Variants in TMTC2 observed in about 807,000 individuals in gnomAD.
TMTC2 encodes the protein transmembrane O-mannosyltransferase targeting cadherins 2.
A neutral mutation model predicts 82.4 loss-of-function variants in TMTC2; 43 were observed. That is an observed-to-expected ratio of 0.52 (90% CI 0.41 to 0.67). TMTC2 has a LOEUF of 0.67. Among genes scored for constraint, TMTC2 ranks in the 30% least tolerant of loss-of-function variants. The pLI, the probability that TMTC2 is intolerant of heterozygous loss-of-function variation, is 0.00. For synonymous variants in TMTC2, 408 were observed against 381.9 expected (o/e 1.07, Z -0.80); for missense variants, 919 against 1,012.4 (o/e 0.91, Z 1.25).
intron 11 of TMTC2, among the ~76,000 whole-genome samples, chr12:83,068,619 A>G (rs1236053796): frequency 6.6e-6 from 1 of 152,198 alleles, no homozygotes; most frequent in Non-Finnish European, 1.5e-5. Flanking sequence ...GATTGACTTT[A>G]TGAGTAAAAT....
In TMTC2 at chr12:82,965,043, A is replaced by T. The variant is rs1400290159; in HGVS notation, c.1618A>T (p.Asn540Tyr). 6.2e-7 allele frequency: 1 copy of T among 1,612,444 alleles called. No individual in the cohort carries two copies. Among genetic ancestry groups the T allele is most frequent in the African/African-American group, 1.3e-5 (1 of 74,940 alleles). ...ATGCAGAGGGCTACTTCTCCAGGAG[A>T]ACAGCAGGTTTGCAGAAGCACTACA... ...LYNLGLLLQE[N>Y]SRFAEALHYY... is the part of the protein sequence containing the mutation. The change falls in exon 5 of 12, where the codon AAC (asparagine) becomes TAC (tyrosine). Residue 540 changes from asparagine (N) to tyrosine (Y), a missense_variant. Physicochemically the swap from Asn to Tyr is moderately radical, Grantham distance 143 (BLOSUM62 -2). Transcript: ENST00000321196.
chr12:82,946,150 C>T (rs1592647748), intron 4 of TMTC2, among the ~76,000 whole-genome samples: 1 of 151,694 alleles, frequency 6.6e-6, no homozygotes, highest in South Asian at 2.1e-4. Flanking sequence ...GCATGTATTA[C>T]CTTCTAGTGA....
chr12:82,851,054 AC>A (rs1202605733), intron 1 of TMTC2, among the ~76,000 whole-genome samples: 1 of 151,862 alleles, frequency 6.6e-6, no homozygotes, highest in African/African-American at 2.4e-5. Flanking sequence ...ACAGAGCGAG[AC>A]TCCATCTCAA....
At chr12:82,973,955 A>C (rs1878558258) in intron 7 of TMTC2, among the ~76,000 whole-genome samples, 1 of 152,252 alleles carries the variant, frequency 6.6e-6, no homozygotes, top group African/African-American at 2.4e-5. Flanking sequence ...AAAAGATCAA[A>C]GCTTAAAAAC....
chr12:82,886,157 A>T (rs1418597564), intron 2 of TMTC2, among the ~76,000 whole-genome samples: 2 of 152,046 alleles, frequency 1.3e-5, no homozygotes, highest in Non-Finnish European at 2.9e-5. Context: ...TCTCTTTCAC[A>T]CTTGGACATA....
At chr12:82,995,876 GTCC>G (rs1048233035) in intron 8 of TMTC2, among the ~76,000 whole-genome samples, 3 of 152,182 alleles carry the variant, frequency 2.0e-5, no homozygotes, top group Non-Finnish European at 4.4e-5. Context: ...GGCTCAAGCT[GTCC>G]TCCTTCCTTG....
chr12:82,711,117 A>C lies in TMTC2; in HGVS notation c.83+23448A>C, dbSNP rs1186545960. Among the ~76,000 whole-genome samples, 3 of 152,234 alleles carry C rather than the reference A, an allele frequency of 2.0e-5. No homozygotes were observed. The East Asian group carries it at 5.8e-4, about 29-fold the overall frequency. On this transcript the variant is annotated intron_variant, in intron 1 of 11. Coordinates refer to ENST00000321196, the MANE Select transcript of TMTC2 (RefSeq NM_152588.3). ...ATTAAGATCCTGTAAGAAACAAGGC[A>C]GAAAATTAAAGTCATTAGGAGTATA...
chr12:82,711,171 T>G (rs925086482), intron 1 of TMTC2, among the ~76,000 whole-genome samples: 1 of 152,208 alleles, frequency 6.6e-6, no homozygotes, highest in Non-Finnish European at 1.5e-5. Context: ...GGCTTTCACC[T>G]CTGTAAACTT....
At chr12:83,057,717 G>T (rs1432022310) in intron 10 of TMTC2, among the ~76,000 whole-genome samples, 2 of 149,272 alleles carry the variant, frequency 1.3e-5, no homozygotes, top group African/African-American at 5.0e-5. Context: ...TCTCTCTCCA[G>T]TTAAAAAAAA....
At chr12:83,122,066 A>T (rs1002746691) in intron 11 of TMTC2, among the ~76,000 whole-genome samples, 2 of 151,808 alleles carry the variant, frequency 1.3e-5, no homozygotes, top group Admixed American at 1.3e-4. Context: ...AACTTACCCC[A>T]TGCTACCCGC....
intron 3 of TMTC2, among the ~76,000 whole-genome samples, chr12:82,929,267 T>C (rs936439802): frequency 6.6e-6 from 1 of 152,084 alleles, no homozygotes; most frequent in Non-Finnish European, 1.5e-5. Flanking sequence ...TTGCCCAGGC[T>C]GGTCTCAAAC....
At chr12:82,991,632 A>G (rs1237176789) in intron 8 of TMTC2, among the ~76,000 whole-genome samples, 1 of 152,210 alleles carries the variant, frequency 6.6e-6, no homozygotes, top group Admixed American at 6.5e-5. Flanking sequence ...ATTTCATACC[A>G]ATGTCATGTC....
intron 5 of TMTC2, among the ~76,000 whole-genome samples, 177 bp from the exon 6 acceptor site, chr12:82,965,383 G>T (rs1878144583): frequency 2.0e-5 from 3 of 152,082 alleles, no homozygotes; most frequent in Non-Finnish European, 2.9e-5. Flanking sequence ...CATATGTTCT[G>T]CAGTGATATT....
At chr12:82,984,018 G>T (rs1358912634) in intron 7 of TMTC2, among the ~76,000 whole-genome samples, 1 of 151,790 alleles carries the variant, frequency 6.6e-6, no homozygotes, top group African/African-American at 2.4e-5. Context: ...ATAGAGATAT[G>T]AAAATAAAAA....
intron 4 of TMTC2, among the ~76,000 whole-genome samples, chr12:82,936,417 A>G (rs1405900772): frequency 2.0e-5 from 3 of 152,160 alleles, no homozygotes; most frequent in Non-Finnish European, 4.4e-5. Flanking sequence ...AAAACAGAAC[A>G]AAAAGCAAAT....
At chr12:82,694,976 T>C (rs1790362629) in intron 1 of TMTC2, among the ~76,000 whole-genome samples, 1 of 152,186 alleles carries the variant, frequency 6.6e-6, no homozygotes, top group African/African-American at 2.4e-5. Context: ...AAGTAGAAAA[T>C]TTTGACTGTA....
At chr12:82,701,350 G>T (rs78676149) in intron 1 of TMTC2, among the ~76,000 whole-genome samples, 1 of 152,016 alleles carries the variant, frequency 6.6e-6, no homozygotes, top group African/African-American at 2.4e-5. Context: ...GAATATAAAA[G>T]CTCTGTTTGA....
intron 2 of TMTC2, among the ~76,000 whole-genome samples, chr12:82,891,461 A>C (rs1202711033): frequency 2.0e-5 from 3 of 152,054 alleles, no homozygotes; most frequent in Admixed American, 6.6e-5. Flanking sequence ...GGCATGCGCC[A>C]CCACGCCTGG....
chr12:82,989,999 G>T (rs890434083), intron 8 of TMTC2, among the ~76,000 whole-genome samples: 1 of 152,052 alleles, frequency 6.6e-6, no homozygotes, highest in African/African-American at 2.4e-5. Context: ...GATCCCTATG[G>T]ATAGCTTTTG....
Sources: gnomAD v4.1 joint callset for allele counts (sites outside exome capture counted in the v4.1 genomes callset) on GRCh38, gnomAD v4.1.1 for gene constraint, MANE v1.5 for transcripts, NCBI Gene and HGNC (gene_info 2026-07-23, HGNC 2026-07-21) for gene names.